The following SORL1 variants were observed in gnomAD, a reference collection of about 807,000 sequenced individuals.
SORL1 encodes the protein sortilin-related receptor.
A neutral mutation model predicts 273.7 loss-of-function variants in SORL1; 127 were observed. The ratio of observed to expected loss-of-function variants is 0.46; its 90% CI spans 0.40 to 0.54. The LOEUF (loss-of-function observed/expected upper bound fraction) is 0.54, where lower values mean the gene tolerates loss of function less well. SORL1 is among the 20% of genes least tolerant of loss of function. The probability of loss-of-function intolerance (pLI) is 0.00; values close to 1 mark genes in which losing one functional copy is unlikely to be tolerated. For synonymous variants in SORL1, 1,031 were observed against 1,067.4 expected (o/e 0.97, Z 0.66); for missense variants, 2,494 against 2,846.1 (o/e 0.88, Z 2.81).
chr11:121,507,489 C>A (rs1333891794), intron 6 of SORL1, among the ~76,000 whole-genome samples: 1 of 152,034 alleles, frequency 6.6e-6, no homozygotes, highest in African/African-American at 2.4e-5. Flanking sequence ...ACTGAGACAT[C>A]ACAATTGACA....
intron 12 of SORL1, among the ~76,000 whole-genome samples, chr11:121,534,959 G>C (rs995378939): frequency 3.3e-5 from 5 of 152,092 alleles, no homozygotes; most frequent in African/African-American, 4.8e-5. Flanking sequence ...TACATGATGC[G>C]CCTGAATTCT....
At chr11:121,591,257 C>A in intron 31 of SORL1, 101 bp downstream of exon 31, 1 of 1,215,892 alleles carries the variant, frequency 8.2e-7, no homozygotes, top group Non-Finnish European at 1.2e-6. Context: ...CCATGCCCTG[C>A]TGTCTGGGAC....
chr11:121,589,943 C>T, intron 29 of SORL1, 97 bp from the exon 30 acceptor site: 5 of 1,446,234 alleles, frequency 3.5e-6, no homozygotes, highest in Non-Finnish European at 2.9e-6. Flanking sequence ...GTGTGGGTTG[C>T]CCTGGAACTT....
Position 121,588,575 on chromosome 11 carries a change from C to T in SORL1, c.3946+424C>T, listed in dbSNP as rs113837063. Among the ~76,000 whole-genome samples the T allele has an allele frequency of 6.9e-3, 1,057 of 152,268 alleles. 11 individuals are homozygous for T. Among genetic ancestry groups the T allele is most frequent in the African/African-American group, 0.024 (998 of 41,558 alleles). ...TTGGACCTGTCTGTTCATTTTGCTGCCTGAGCTTTACAGGAGCAGGGGCTT... is the reference window on the plus strand; with the variant it reads ...TTGGACCTGTCTGTTCATTTTGCTGTCTGAGCTTTACAGGAGCAGGGGCTT... On this transcript the variant is annotated intron_variant, in intron 28 of 47. Coordinates refer to ENST00000260197, the MANE Select transcript of SORL1 (RefSeq NM_003105.6).
chr11:121,543,226 T>C (rs1037157730), intron 12 of SORL1, among the ~76,000 whole-genome samples: 11 of 151,996 alleles, frequency 7.2e-5, no homozygotes, highest in Non-Finnish European at 1.3e-4. Context: ...AAAATTTCTC[T>C]TTTGCTCCTC....
intron 3 of SORL1, among the ~76,000 whole-genome samples, chr11:121,487,612 C>T (rs1255485450): frequency 6.6e-6 from 1 of 152,196 alleles, no homozygotes; most frequent in African/African-American, 2.4e-5. Context: ...CAGGGAGACT[C>T]AACCATCCCA....
Position 121,486,234 on chromosome 11 carries a change from TC to T in SORL1, c.529-1796del, listed in dbSNP as rs549026384. Reference sequence around the variant, plus strand: ...TTCTGATTCATAATCTCCTGAGCCTTCCTCATTCTTCCAGGAGCAGGGACCG... The same window carrying T: ...TTCTGATTCATAATCTCCTGAGCCTTCTCATTCTTCCAGGAGCAGGGACCG... On this transcript the variant is annotated intron_variant, in intron 3 of 47. Transcript: ENST00000260197. Among the ~76,000 whole-genome samples the T allele has an allele frequency of 4.0e-4, 61 of 152,308 alleles. No individual in the cohort carries two copies. In the East Asian group the frequency reaches 0.01, roughly 25 times the overall value.
intron 45 of SORL1, among the ~76,000 whole-genome samples, chr11:121,624,859 G>GT (rs1565358978): frequency 6.6e-6 from 1 of 152,114 alleles, no homozygotes; most frequent in Non-Finnish European, 1.5e-5. Context: ...ATAGCTTGTT[G>GT]TGGGGGGGTG....
chr11:121,521,387 T>G (rs541517135), intron 9 of SORL1, among the ~76,000 whole-genome samples: 14 of 152,184 alleles, frequency 9.2e-5, no homozygotes, highest in South Asian at 8.3e-4. Context: ...AGCAGCTTGG[T>G]GAGATCCTGG....
At position 121,595,334 on chromosome 11, in the gene SORL1, G is replaced by A. The variant is rs1863276370; in HGVS notation, c.4370-289G>A. On this transcript the variant is annotated intron_variant, in intron 31 of 47. Transcript: ENST00000260197. This position sits in a 1 kb window ranked among gnomAD's most constrained non-coding sequence, Gnocchi z 5.1. ...GACGCAGCCTTCGCTGGCCTCTTTA[G>A]TCACATACCGCTATCTGTCTTCTTT... 6.6e-6 allele frequency among the ~76,000 whole-genome samples: 1 copy of A among 152,160 alleles called. No homozygotes were observed. The highest frequency in any genetic ancestry group is 2.4e-5 in the African/African-American group (1 of 41,450).
chr11:121,577,249 CCTCACCTCTCTGTTTATGGT>C lies in SORL1; in HGVS notation c.3461-24_3461-5del. ...GACAAAATTCTGAACAAGCTTTTGT[CCTCACCTCTCTGTTTATGGT>C]CTCACCTGCAGAAATGCACCAGTGC... On this transcript the variant is annotated splice_polypyrimidine_tract_variant and intron_variant, in intron 24 of 47. Coordinates refer to ENST00000260197, the MANE Select transcript of SORL1 (RefSeq NM_003105.6). The C allele has an allele frequency of 6.4e-7, 1 of 1,556,006 alleles. No individual in the cohort carries two copies. Among genetic ancestry groups the C allele is most frequent in the South Asian group, 1.2e-5 (1 of 80,840 alleles).
intron 23 of SORL1, among the ~76,000 whole-genome samples, chr11:121,570,643 G>T (rs1259196861): frequency 6.6e-6 from 1 of 152,098 alleles, no homozygotes; most frequent in African/African-American, 2.4e-5. Context: ...CTTTGATTTG[G>T]AAATTCAATA....
chr11:121,469,990 A>G lies in SORL1; in HGVS notation c.286-17A>G, dbSNP rs775226673. On this transcript the variant is annotated splice_polypyrimidine_tract_variant and intron_variant, in intron 1 of 47. Transcript: ENST00000260197. ...TCACTTATCGTGGGTCCTAATTCCTACATTGATCTCTTTCAGGTTAGTCTG... is the reference window on the plus strand; with the variant it reads ...TCACTTATCGTGGGTCCTAATTCCTGCATTGATCTCTTTCAGGTTAGTCTG... 1.9e-6 allele frequency: 3 copies of G among 1,550,112 alleles called. No homozygotes were observed. Among genetic ancestry groups the G allele is most frequent in the East Asian group, 2.2e-5 (1 of 44,568 alleles).
intron 1 of SORL1, among the ~76,000 whole-genome samples, chr11:121,465,138 C>T (rs1041266141): frequency 6.6e-6 from 1 of 152,146 alleles, no homozygotes; most frequent in African/African-American, 2.4e-5. Flanking sequence ...TGAAATAAAA[C>T]CCCTTACCCA....
intron 11 of SORL1, among the ~76,000 whole-genome samples, chr11:121,530,545 T>C (rs1862188402): frequency 6.6e-6 from 1 of 152,200 alleles, no homozygotes; most frequent in Non-Finnish European, 1.5e-5. Context: ...TAACATGCCA[T>C]TTTTCTCTAG....
chr11:121,520,925 A>G, intron 9 of SORL1, 76 bp downstream of exon 9: 1 of 991,670 alleles, frequency 1.0e-6, no homozygotes, highest in African/African-American at 1.7e-5. Flanking sequence ...TCCTATGTCT[A>G]GTATTTATTG....
intron 47 of SORL1, chr11:121,629,179 G>A: frequency 5.9e-6 from 2 of 341,814 alleles, no homozygotes; most frequent in South Asian, 6.5e-5. Context: ...ACTCAAACTG[G>A]GGAACCCAAA....
chr11:121,573,116 A>G (rs1862872037), intron 23 of SORL1, among the ~76,000 whole-genome samples: 1 of 152,226 alleles, frequency 6.6e-6, no homozygotes, highest in Admixed American at 6.5e-5. Flanking sequence ...GAGAGGAAGA[A>G]AAATCTAATT....
intron 18 of SORL1, among the ~76,000 whole-genome samples, chr11:121,555,542 ATGG>A (rs1862566271): frequency 6.6e-6 from 1 of 152,108 alleles, no homozygotes; most frequent in Non-Finnish European, 1.5e-5. Flanking sequence ...ATAACAATAA[ATGG>A]TAATATTTTT....
Sources: gnomAD v4.1 joint callset for allele counts (sites outside exome capture counted in the v4.1 genomes callset) on GRCh38, gnomAD v4.1.1 for gene constraint, Gnocchi (gnomAD v3.1) non-coding constraint, MANE v1.5 for transcripts, NCBI Gene and HGNC (gene_info 2026-07-23, HGNC 2026-07-21) for gene names.